Variants in KAZN observed in about 807,000 individuals in gnomAD.
KAZN encodes kazrin, periplakin interacting protein.
Under a neutral mutation model 87.4 loss-of-function variants are expected in KAZN, and 40 were observed. The ratio of observed to expected loss-of-function variants is 0.46; its 90% CI spans 0.36 to 0.60. The LOEUF (loss-of-function observed/expected upper bound fraction) is 0.60, where lower values mean the gene tolerates loss of function less well. KAZN is among the 20% of genes least tolerant of loss of function. The probability of loss-of-function intolerance (pLI) is 0.00; values close to 1 mark genes in which losing one functional copy is unlikely to be tolerated. For synonymous variants in KAZN, 466 were observed against 458.3 expected, an observed-to-expected ratio of 1.02 and a Z score of -0.22; for missense variants, 898 against 1,073.9, an observed-to-expected ratio of 0.84 and a Z score of 2.29.
rs1650086970 is a variant in KAZN, at chr1:14,856,218, A to G, written c.227-104466A>G. 6.6e-6 allele frequency among the ~76,000 whole-genome samples: 1 copy of G among 152,112 alleles called. No homozygotes were observed. Among genetic ancestry groups the G allele is most frequent in the Non-Finnish European group, 1.5e-5 (1 of 68,026 alleles). ...CATAGAAATTGGGGAGGGGATGAAA[A>G]GAGGGGAAGGGAAGACCAGAAATAA... is the stretch of plus-strand genomic sequence containing the variant. On this transcript the variant is annotated intron_variant, in intron 1 of 14. Coordinates refer to ENST00000376030, the MANE Select transcript of KAZN (RefSeq NM_201628.3). This position sits in a 1 kb window ranked among gnomAD's most constrained non-coding sequence, Gnocchi z 5.2.
chr1:14,111,989 C>T (rs952339342), intron 1 of KAZN, among the ~76,000 whole-genome samples: 5 of 152,070 alleles, frequency 3.3e-5, no homozygotes, highest in Admixed American at 6.6e-5. Flanking sequence ...CCACCCACCT[C>T]GGCCTCCCAA....
intron 1 of KAZN, among the ~76,000 whole-genome samples, chr1:14,749,325 C>CACA (rs1239729004): frequency 2.0e-5 from 3 of 152,198 alleles, no homozygotes; most frequent in Admixed American, 6.5e-5. Flanking sequence ...TTCTCCCATA[C>CACA]TACCATAAAC....
At chr1:14,969,940 A>G (rs942295294) in intron 2 of KAZN, among the ~76,000 whole-genome samples, 1 of 151,976 alleles carries the variant, frequency 6.6e-6, no homozygotes, top group Non-Finnish European at 1.5e-5. Context: ...CAGCCTCCTG[A>G]GTAGCTGGGA....
chr1:14,889,058 G>A (rs930369110), intron 1 of KAZN, among the ~76,000 whole-genome samples: 9 of 152,188 alleles, frequency 5.9e-5, no homozygotes, highest in African/African-American at 1.4e-4. Flanking sequence ...GAAAGTTTAC[G>A]AATTTGTGTT....
intron 1 of KAZN, among the ~76,000 whole-genome samples, chr1:14,774,734 C>T (rs191470241): frequency 2.3e-4 from 35 of 152,252 alleles, no homozygotes; most frequent in Admixed American, 9.2e-4. Context: ...ATCCTCCCAC[C>T]GTGGCCTCCC....
chr1:14,912,233 C>A (rs1657334098), intron 1 of KAZN, among the ~76,000 whole-genome samples: 1 of 152,060 alleles, frequency 6.6e-6, no homozygotes, highest in South Asian at 2.1e-4. Flanking sequence ...CTCCTGACTC[C>A]CCGTCCAGTG....
intron 2 of KAZN, among the ~76,000 whole-genome samples, chr1:14,292,039 G>T (rs1468971637): frequency 2.6e-5 from 4 of 152,108 alleles, no homozygotes; most frequent in African/African-American, 9.7e-5. Flanking sequence ...CTTGAGGATG[G>T]ACTAATACAG....
chr1:15,038,632 T>C (rs1672584219), intron 3 of KAZN, among the ~76,000 whole-genome samples: 1 of 152,172 alleles, frequency 6.6e-6, no homozygotes, highest in African/African-American at 2.4e-5. Context: ...GAACATGGTG[T>C]TACCAATAGC....
intron 4 of KAZN, among the ~76,000 whole-genome samples, chr1:15,045,681 T>C (rs910981441): frequency 6.6e-6 from 1 of 152,194 alleles, no homozygotes; most frequent in Non-Finnish European, 1.5e-5. Context: ...TGACTCACAG[T>C]TCCGAATGGC....
intron 1 of KAZN, among the ~76,000 whole-genome samples, chr1:14,762,207 A>C (rs1271085908): frequency 6.6e-6 from 1 of 152,146 alleles, no homozygotes; most frequent in Non-Finnish European, 1.5e-5. Flanking sequence ...AGGGACTTTG[A>C]GAGGTGGTCA....
intron 1 of KAZN, among the ~76,000 whole-genome samples, chr1:13,981,089 T>TTATATATATATATATATATATATATG: frequency 1.6e-5 from 1 of 63,136 alleles, no homozygotes; most frequent in African/African-American, 5.8e-5. Flanking sequence ...AAATTACTCT[T>TTATATATATATATATATATATATATG]TATATATATA....
At chr1:14,203,184 C>T (rs186656518) in intron 2 of KAZN, among the ~76,000 whole-genome samples, 88 of 151,846 alleles carry the variant, frequency 5.8e-4, no homozygotes, top group African/African-American at 2.1e-3. Flanking sequence ...ATGAGATAGA[C>T]AGTGAAAAAT....
intron 1 of KAZN, among the ~76,000 whole-genome samples, chr1:14,724,482 A>C (rs533802328): frequency 1.3e-5 from 2 of 152,290 alleles, no homozygotes; most frequent in Admixed American, 1.3e-4. Context: ...ACCTAAGTAG[A>C]TTACTCAGCA....
At chr1:14,419,942 C>A (rs1049213750) in intron 2 of KAZN, among the ~76,000 whole-genome samples, 1 of 152,098 alleles carries the variant, frequency 6.6e-6, no homozygotes, top group Non-Finnish European at 1.5e-5. Flanking sequence ...ACAAAACTTC[C>A]ACAAGGTGGA....
At chr1:14,777,873 G>C (rs1031529795) in intron 1 of KAZN, among the ~76,000 whole-genome samples, 1 of 152,094 alleles carries the variant, frequency 6.6e-6, no homozygotes, top group Non-Finnish European at 1.5e-5. Context: ...CATTGCCGTG[G>C]CATTTGTAAA....
intron 1 of KAZN, among the ~76,000 whole-genome samples, chr1:14,020,230 C>A (rs747259319): frequency 2.6e-5 from 4 of 152,146 alleles, no homozygotes; most frequent in African/African-American, 9.7e-5. Flanking sequence ...ACAGATGAAG[C>A]TTTGCTTGCT....
intron 1 of KAZN, among the ~76,000 whole-genome samples, chr1:14,665,495 A>C (rs1322929032): frequency 1.3e-5 from 2 of 152,148 alleles, no homozygotes; most frequent in African/African-American, 4.8e-5. Context: ...ATTTGCTGTC[A>C]AGAAGCCTGA....
intron 2 of KAZN, among the ~76,000 whole-genome samples, chr1:14,308,640 C>T (rs1436061890): frequency 6.6e-6 from 1 of 152,126 alleles, no homozygotes; most frequent in Admixed American, 6.5e-5. Context: ...GGCTGTGTGA[C>T]CTTGGGCAAC....
rs143281844 is a variant in KAZN, at chr1:13,935,862, ATGTGTGTGTGTGTGTGTGTG to A, written c.91+42126_91+42145del. ...TGTGGATAATTACTTTTACATCCTA[ATGTGTGTGTGTGTGTGTGTG>A]TGTGTGTGTGTGTGTGTGTAGAATC... On this transcript the variant is annotated intron_variant, in intron 1 of 16. Transcript: ENST00000636203. Among the ~76,000 whole-genome samples the A allele has an allele frequency of 1.4e-3, 170 of 124,234 alleles. 1 individual carries two copies. Among genetic ancestry groups the A allele is most frequent in the African/African-American group, 4.9e-3 (167 of 34,176 alleles). 81.5% of individuals were successfully genotyped at this position (124,234 alleles called of 152,430 possible). A position where few individuals can be genotyped will look rare whatever the true frequency, so the allele number is the denominator to read the frequency against.
Sources: gnomAD v4.1 joint callset for allele counts (sites outside exome capture counted in the v4.1 genomes callset) on GRCh38, gnomAD v4.1.1 for gene constraint, Gnocchi (gnomAD v3.1) non-coding constraint, MANE v1.5 for transcripts, NCBI Gene and HGNC (gene_info 2026-07-23, HGNC 2026-07-21) for gene names.